The following LNX2 variants were observed in gnomAD, a reference collection of about 807,000 sequenced individuals.
LNX2 encodes the protein ligand of numb-protein X 2.
Under a neutral mutation model 66.2 loss-of-function variants are expected in LNX2, and 35 were observed. The observed-to-expected ratio is 0.53, with a 90% CI of 0.40 to 0.70. The LOEUF (loss-of-function observed/expected upper bound fraction) is 0.70. LNX2 is among the 30% of genes least tolerant of loss of function. LNX2 has a pLI of 0.00. For missense variants in LNX2, 791 were observed against 850.8 expected (o/e 0.93, Z 0.87); for synonymous variants, 337 against 315.6 (o/e 1.07, Z -0.72).
intron 4 of LNX2, among the ~76,000 whole-genome samples, chr13:27,566,215 G>A (rs1231233698): frequency 6.6e-6 from 1 of 152,172 alleles, no homozygotes; most frequent in East Asian, 1.9e-4. Context: ...AATCAGTATG[G>A]GGGAGAATGG....
chr13:27,561,028 C>T lies in LNX2; in HGVS notation c.1225-1043G>A, dbSNP rs548709709. Among the ~76,000 whole-genome samples the T allele has an allele frequency of 1.1e-4, 16 of 152,196 alleles. No individual in the cohort carries two copies. The South Asian group carries it at 2.7e-3, about 26-fold the overall frequency. On this transcript the variant is annotated intron_variant, in intron 5 of 9. Transcript: ENST00000316334. ...ATTTTTTAAAATCCAAAAACAATAA[C>T]GCTTTTACTTATTTTCAAAAAGAAA... is the stretch of plus-strand genomic sequence containing the variant.
At chr13:27,566,714 TA>T (rs892089428) in intron 4 of LNX2, among the ~76,000 whole-genome samples, 20 of 151,928 alleles carry the variant, frequency 1.3e-4, no homozygotes, top group African/African-American at 4.8e-4. Context: ...AAAATGGAAG[TA>T]GGGGGTAGAT....
At chr13:27,595,771 T>C (rs1055556630) in intron 1 of LNX2, among the ~76,000 whole-genome samples, 1 of 152,222 alleles carries the variant, frequency 6.6e-6, no homozygotes, top group Non-Finnish European at 1.5e-5. Context: ...TTTGTTAGTC[T>C]GTCTCTTGTA....
Position 27,599,359 on chromosome 13 carries a change from T to C in LNX2, c.-100-17556A>G, listed in dbSNP as rs545576666. On this transcript the variant is annotated intron_variant, in intron 1 of 9. Transcript: ENST00000316334. ...CCTTTGTTTACTCATTGGAACAACA[T>C]TGTCTTCTAAGGCCACTCACCACTA... 1.2e-4 allele frequency among the ~76,000 whole-genome samples: 19 copies of C among 152,310 alleles called. No individual in the cohort carries two copies. In the South Asian group the frequency reaches 3.7e-3, roughly 30 times the overall value.
intron 2 of LNX2, among the ~76,000 whole-genome samples, chr13:27,572,369 C>T (rs1442073622): frequency 6.6e-6 from 1 of 152,110 alleles, no homozygotes; most frequent in Non-Finnish European, 1.5e-5. Flanking sequence ...AACAATAGAA[C>T]AGAACAGCAT....
At chr13:27,573,710 C>T (rs1287804875) in intron 2 of LNX2, among the ~76,000 whole-genome samples, 1 of 151,894 alleles carries the variant, frequency 6.6e-6, no homozygotes, top group Admixed American at 6.6e-5. Flanking sequence ...ATTCTCTGTC[C>T]AATCATTAGC....
chr13:27,560,439 A>G (rs756806080), intron 5 of LNX2, among the ~76,000 whole-genome samples: 3 of 152,020 alleles, frequency 2.0e-5, no homozygotes, highest in Non-Finnish European at 2.9e-5. Flanking sequence ...CAGAAATCAT[A>G]ATGAAATTCT....
chr13:27,584,804 GTTTTTA>G (rs1955464285), intron 1 of LNX2, among the ~76,000 whole-genome samples: 1 of 152,188 alleles, frequency 6.6e-6, no homozygotes, highest in African/African-American at 2.4e-5. Flanking sequence ...GATAAATTGT[GTTTTTA>G]AGAACTAATA....
intron 1 of LNX2, among the ~76,000 whole-genome samples, chr13:27,616,333 T>C (rs770602097): frequency 6.6e-6 from 1 of 152,140 alleles, no homozygotes; most frequent in African/African-American, 2.4e-5. Context: ...ACCCAAGTTC[T>C]TACTTTCAGA....
intron 1 of LNX2, among the ~76,000 whole-genome samples, chr13:27,615,415 G>C (rs961760795): frequency 2.0e-5 from 3 of 152,204 alleles, no homozygotes; most frequent in African/African-American, 4.8e-5. Flanking sequence ...CAGCTGTCCA[G>C]AAGCTCTCTG....
intron 1 of LNX2, among the ~76,000 whole-genome samples, chr13:27,585,647 C>G (rs1229362627): frequency 6.6e-6 from 1 of 151,968 alleles, no homozygotes; most frequent in African/African-American, 2.4e-5. Flanking sequence ...CAGACAGACA[C>G]GTCCAAGCTA....
rs1955240302 is a variant in LNX2 at position 27,568,956 on chromosome 13, A to G, written c.655+73T>C. 4 of 1,431,122 alleles carry G rather than the reference A, an allele frequency of 2.8e-6. No individual in the cohort carries two copies. The East Asian group carries it at 7.6e-5, about 27-fold the overall frequency. The allele number at this position is 1,431,122 out of a possible 1,614,324, so 88.7% of individuals were successfully genotyped here. A position where few individuals can be genotyped will look rare whatever the true frequency, so the allele number is the denominator to read the frequency against. ...TTAAATTTTTCTTTAAAGATGAAAA[A>G]AGTACATGTTGGGCAAGTAGTGGGA... On this transcript the variant is annotated intron_variant, in intron 3 of 9. Transcript: ENST00000316334.
intron 4 of LNX2, among the ~76,000 whole-genome samples, chr13:27,566,633 G>C (rs1250943447): frequency 6.6e-6 from 1 of 152,166 alleles, no homozygotes; most frequent in Non-Finnish European, 1.5e-5. Context: ...TTGGGAGGCA[G>C]AAGTATATGA....
intron 2 of LNX2, among the ~76,000 whole-genome samples, chr13:27,573,715 A>C (rs1443657684): frequency 6.6e-6 from 1 of 152,150 alleles, no homozygotes; most frequent in Admixed American, 6.5e-5. Flanking sequence ...CTGTCCAATC[A>C]TTAGCTGTCC....
At chr13:27,584,468 C>T (rs1281611197) in intron 1 of LNX2, among the ~76,000 whole-genome samples, 1 of 150,120 alleles carries the variant, frequency 6.7e-6, no homozygotes, top group African/African-American at 2.4e-5. Flanking sequence ...GTGGGACGAT[C>T]CCTTGAGCCC....
At chr13:27,559,702 C>A in intron 6 of LNX2, 140 bp downstream of exon 6, 6 of 764,198 alleles carry the variant, frequency 7.9e-6, no homozygotes, top group Non-Finnish European at 1.1e-5. Flanking sequence ...AACAGAATAA[C>A]AACCCTCATT....
At chr13:27,613,242 C>A (rs536806831) in intron 1 of LNX2, among the ~76,000 whole-genome samples, 1 of 151,840 alleles carries the variant, frequency 6.6e-6, no homozygotes, top group African/African-American at 2.4e-5. Context: ...TGGATAGAGA[C>A]GCTCTGCAAG....
intron 2 of LNX2, among the ~76,000 whole-genome samples, chr13:27,576,520 A>C (rs1192748195): frequency 1.3e-5 from 2 of 151,788 alleles, no homozygotes; most frequent in Non-Finnish European, 2.9e-5. Flanking sequence ...GTTTGAGACA[A>C]GCCTGGTGCA....
chr13:27,589,591 A>G (rs114436870), intron 1 of LNX2, among the ~76,000 whole-genome samples: 3,886 of 152,184 alleles, frequency 0.026, 195 homozygotes, highest in African/African-American at 0.088. Flanking sequence ...AGTTCTCCTA[A>G]TTTTGAAATT....
Sources: allele counts gnomAD v4.1 joint callset (sites outside exome capture counted in the v4.1 genomes callset), GRCh38; gene constraint gnomAD v4.1.1; transcripts MANE v1.5; gene names NCBI Gene and HGNC (gene_info 2026-07-23, HGNC 2026-07-21).